The following ZNF516 variants were observed in gnomAD, a reference collection of about 807,000 sequenced individuals.
ZNF516 encodes the protein zinc finger protein 516.
Under a neutral mutation model 79.7 loss-of-function variants are expected in ZNF516, and 19 were observed. The ratio of observed to expected loss-of-function variants is 0.24; its 90% CI spans 0.17 to 0.35. The LOEUF is 0.35. ZNF516 is among the 10% of genes least tolerant of loss of function. The pLI, the probability that ZNF516 is intolerant of heterozygous loss-of-function variation, is 1.00. For missense variants in ZNF516, 1,678 were observed against 1,679.5 expected (o/e 1.00, Z 0.02); for synonymous variants, 877 against 739.5 (o/e 1.19, Z -3.02).
chr18:76,362,460 G>A lies in ZNF516; in HGVS notation c.*38C>T. ...GGACATCGTGAGGGTACTGCTAATGGCCGTTACGGGGACCTGGGGTGCGTC... is the reference window on the plus strand; with the variant it reads ...GGACATCGTGAGGGTACTGCTAATGACCGTTACGGGGACCTGGGGTGCGTC... On this transcript the variant is annotated 3_prime_UTR_variant, in exon 7 of 7. Transcript: ENST00000443185. 6.2e-7 allele frequency: 1 copy of A among 1,605,616 alleles called. No individual in the cohort carries two copies. The highest frequency in any genetic ancestry group is 8.5e-7 in the Non-Finnish European group (1 of 1,173,962).
chr18:76,415,808 C>T (rs2075426269), intron 3 of ZNF516, among the ~76,000 whole-genome samples: 1 of 152,198 alleles, frequency 6.6e-6, no homozygotes, highest in Non-Finnish European at 1.5e-5. Flanking sequence ...GATAAGTCTG[C>T]ACCACTCAGG....
At position 76,441,313 on chromosome 18, in the gene ZNF516, G is replaced by T. The variant is rs763432560; in HGVS notation, c.1742C>A (p.Pro581Gln). The T allele has an allele frequency of 1.2e-6, 2 of 1,611,528 alleles. No individual in the cohort carries two copies. Among genetic ancestry groups the T allele is most frequent in the South Asian group, 2.2e-5 (2 of 90,922 alleles). ...AGCCTCGTCGGCCAGGCCAGAGCCCGGGGAGTCAGCAGCGGCACAGGCGGA... is the reference window on the plus strand; with the variant it reads ...AGCCTCGTCGGCCAGGCCAGAGCCCTGGGAGTCAGCAGCGGCACAGGCGGA... ...PGSACAAADSPGSGLADEAAE... is the reference protein window; with the variant it reads ...PGSACAAADSQGSGLADEAAE... The change falls in exon 3 of 7, where the codon CCG becomes CAG. Residue 581 changes from proline (P) to glutamine (Q), a missense_variant. Transcript: ENST00000443185.
intron 3 of ZNF516, among the ~76,000 whole-genome samples, chr18:76,405,329 C>T (rs928845148): frequency 2.6e-5 from 4 of 152,154 alleles, no homozygotes; most frequent in African/African-American, 9.6e-5. Flanking sequence ...ACTTCCTGGG[C>T]TCAAGCGATC....
chr18:76,370,418 A>G, intron 6 of ZNF516, 110 bp downstream of exon 6: 1 of 1,049,526 alleles, frequency 9.5e-7, no homozygotes, highest in Non-Finnish European at 1.4e-6. Context: ...TTATTTACAC[A>G]TCTAGTGAAA....
At position 76,363,270 on chromosome 18, in the gene ZNF516, C is replaced by T. The variant is rs149144259; in HGVS notation, c.3433-713G>A. Among the ~76,000 whole-genome samples the T allele has an allele frequency of 2.6e-4, 39 of 152,312 alleles. No homozygotes were observed. In the East Asian group the frequency reaches 5.6e-3, roughly 22 times the overall value. On this transcript the variant is annotated intron_variant, in intron 6 of 6. Transcript: ENST00000443185. ...ATTAATCTTACTTAACTGCATTAAC[C>T]TTCAGCTAAAATCTTGATGAAGTGA... is the stretch of plus-strand genomic sequence containing the variant.
chr18:76,490,183 G>C (rs1736348203), intron 1 of ZNF516: 2 of 985,240 alleles, frequency 2.0e-6, no homozygotes, highest in South Asian at 9.4e-5. Flanking sequence ...ATGGCCATGG[G>C]GGTCACTCCT....
chr18:76,480,688 A>G (rs1251089066), intron 1 of ZNF516, among the ~76,000 whole-genome samples: 1 of 151,950 alleles, frequency 6.6e-6, no homozygotes, highest in African/African-American at 2.4e-5. Context: ...ACGCTCAGTT[A>G]ATTTTGTATT....
chr18:76,430,453 A>G (rs2075647856), intron 3 of ZNF516, among the ~76,000 whole-genome samples: 1 of 152,220 alleles, frequency 6.6e-6, no homozygotes, highest in African/African-American at 2.4e-5. Context: ...AATGTTCTCT[A>G]ATTGTCCAGT....
intron 6 of ZNF516, among the ~76,000 whole-genome samples, chr18:76,368,131 A>C (rs1039560955): frequency 3.3e-5 from 5 of 152,202 alleles, no homozygotes; most frequent in Non-Finnish European, 7.3e-5. Flanking sequence ...TGTTTTCTAT[A>C]ATCTATAAGG....
intron 6 of ZNF516, 27 bp from the exon 7 acceptor site, chr18:76,362,584 A>T (rs369005213): frequency 6.3e-6 from 10 of 1,594,502 alleles, no homozygotes; most frequent in South Asian, 1.1e-5. Flanking sequence ...AAAGAACAGG[A>T]GAAAAGCTCA....
chr18:76,440,761 T>TGTGTGTGTGTGTGTGC (rs571461431), intron 3 of ZNF516, among the ~76,000 whole-genome samples: 700 of 150,218 alleles, frequency 4.7e-3, no homozygotes, highest in African/African-American at 8.4e-3. Flanking sequence ...TGTGTGTGTG[T>TGTGTGTGTGTGTGTGC]GCGCGCACGC....
chr18:76,463,284 C>G (rs1434325467), intron 1 of ZNF516, 143 bp from the exon 2 acceptor site: 1 of 152,240 alleles, frequency 6.6e-6, no homozygotes, highest in Non-Finnish European at 1.5e-5. Flanking sequence ...TAAATCACCC[C>G]AAGTGGGGCT....
chr18:76,425,131 C>A (rs1219005277), intron 3 of ZNF516, among the ~76,000 whole-genome samples: 2 of 152,024 alleles, frequency 1.3e-5, no homozygotes, highest in African/African-American at 4.8e-5. Context: ...GGAGCCACAC[C>A]AGGTTCCAGA....
At chr18:76,460,262 C>A (rs957686450) in intron 2 of ZNF516, among the ~76,000 whole-genome samples, 2 of 152,310 alleles carry the variant, frequency 1.3e-5, no homozygotes, top group East Asian at 3.9e-4. Context: ...TGCGATGCCA[C>A]CCTCATTTCA....
intron 3 of ZNF516, among the ~76,000 whole-genome samples, chr18:76,417,717 C>A (rs567212916): frequency 2.0e-4 from 31 of 152,190 alleles, no homozygotes; most frequent in Non-Finnish European, 3.8e-4. Flanking sequence ...TCAACATTTT[C>A]TTACTATTCC....
chr18:76,371,472 T>G lies in ZNF516; in HGVS notation c.3359A>C (p.His1120Pro), dbSNP rs1255700014. Residue 1120 changes from histidine to proline, a missense_variant, in exon 5 of 7, where the codon CAC becomes CCC. By Grantham distance (77) the His-to-Pro change is moderately conservative (BLOSUM62 -2). Around this residue, in one of 5 missense-constraint regions of ZNF516, gnomAD observed 1,294 missense variants for 1,248.3 expected, o/e 1.04. Transcript: ENST00000443185. ...GCTGGGCGGGAGGGCGATACCTGAG[T>G]GTGCCCGCATGTGGGCCCTGAGGTG... ...PGHLRAHMRA[H>P]SVVFESDGPR... 1.2e-6 allele frequency: 2 copies of G among 1,606,568 alleles called. No individual in the cohort carries two copies. Among genetic ancestry groups the G allele is most frequent in the Non-Finnish European group, 1.7e-6 (2 of 1,179,532 alleles).
chr18:76,479,269 G>A (rs1330033278), intron 1 of ZNF516, among the ~76,000 whole-genome samples: 3 of 152,178 alleles, frequency 2.0e-5, no homozygotes, highest in Admixed American at 6.5e-5. Flanking sequence ...AGCTCTTGCT[G>A]CTAAAGAACA....
intron 1 of ZNF516, among the ~76,000 whole-genome samples, chr18:76,473,194 A>G (rs1568321943): frequency 1.3e-5 from 2 of 152,136 alleles, no homozygotes; most frequent in Non-Finnish European, 2.9e-5. Context: ...ATAAAGAGAA[A>G]AGAAGAAAAA....
intron 1 of ZNF516, among the ~76,000 whole-genome samples, chr18:76,480,559 G>GT (rs1217468045): frequency 6.8e-6 from 1 of 147,128 alleles, no homozygotes; most frequent in Non-Finnish European, 1.5e-5. Context: ...GTCTTGCTCT[G>GT]TCGCCCAGAC....
Sources: allele counts gnomAD v4.1 joint callset (sites outside exome capture counted in the v4.1 genomes callset), GRCh38; gene constraint gnomAD v4.1.1; regional missense constraint gnomAD v4.1.1; transcripts MANE v1.5; gene names NCBI Gene and HGNC (gene_info 2026-07-23, HGNC 2026-07-21).